R3HCC1L: variants seen among roughly 807,000 people sequenced by gnomAD.
R3HCC1L encodes the protein coiled-coil domain-containing protein R3HCC1L.
In R3HCC1L, 51 loss-of-function variants were observed where a neutral mutation model predicts 59.9. That is an observed-to-expected ratio of 0.85 (90% CI 0.68 to 1.07). The LOEUF is 1.07. Ranked by LOEUF, R3HCC1L falls within the 50% of genes least tolerant of loss-of-function variation. R3HCC1L has a pLI of 0.00. For synonymous variants in R3HCC1L, 322 were observed against 315.2 expected, an observed-to-expected ratio of 1.02 and a Z score of -0.23; for missense variants, 965 against 933.0, an observed-to-expected ratio of 1.03 and a Z score of -0.45.
At chr10:98,190,048 C>T (rs1850662943) in intron 4 of R3HCC1L, among the ~76,000 whole-genome samples, 1 of 152,176 alleles carries the variant, frequency 6.6e-6, no homozygotes, top group Admixed American at 6.5e-5. Context: ...TGTATATAAC[C>T]TATGTACATC....
chr10:98,169,413 A>G (rs933139860), intron 4 of R3HCC1L, among the ~76,000 whole-genome samples: 12 of 152,232 alleles, frequency 7.9e-5, no homozygotes, highest in African/African-American at 2.2e-4. Context: ...TCTTAGTACT[A>G]TAGTTGGAAC....
intron 1 of R3HCC1L, among the ~76,000 whole-genome samples, chr10:98,155,584 T>C (rs1165277882): frequency 1.3e-5 from 2 of 152,084 alleles, no homozygotes; most frequent in East Asian, 1.9e-4. Flanking sequence ...TCAATAGATG[T>C]AGAGTTTAAA....
At position 98,235,452 on chromosome 10, in the gene R3HCC1L, C is replaced by A; in HGVS notation, c.2060C>A (p.Thr687Asn). The A allele has an allele frequency of 6.2e-7, 1 of 1,613,662 alleles. No individual in the cohort carries two copies. Among genetic ancestry groups the A allele is most frequent in the East Asian group, 2.2e-5 (1 of 44,866 alleles). Residue 687 changes from threonine to asparagine, a missense_variant, in exon 8 of 10, where the codon ACC becomes AAC. Coordinates refer to ENST00000298999, the MANE Select transcript of R3HCC1L (RefSeq NM_001351015.2). ...CGTGATGCGTTGGGTATTAAACACA[C>A]CATGGTGAAGATTCGTCCCTTGTCA... ...TARDALGIKH[T>N]MVKIRPLSQA...
chr10:98,173,977 C>T (rs918857021), intron 4 of R3HCC1L, among the ~76,000 whole-genome samples: 4 of 152,086 alleles, frequency 2.6e-5, no homozygotes, highest in African/African-American at 9.7e-5. Context: ...GGAATATTGC[C>T]CACCTGCTAT....
In R3HCC1L at chr10:98,244,353, C is replaced by T. The variant is rs538555978; in HGVS notation, c.*195C>T. The T allele has an allele frequency of 9.4e-5, 49 of 523,096 alleles. No individual in the cohort carries two copies. In the East Asian group the frequency reaches 1.6e-3, roughly 17 times the overall value. 32.4% of individuals were successfully genotyped at this position (523,096 alleles called of 1,614,324 possible). On this transcript the variant is annotated 3_prime_UTR_variant, in exon 10 of 10. Coordinates refer to ENST00000298999, the MANE Select transcript of R3HCC1L (RefSeq NM_001351015.2). ...ACTCCTAAATGCAGTTCTTTGGAAT[C>T]ACCCTACTGTGGTGGGCGTAGTAGG...
chr10:98,212,039 G>A (rs182941163), intron 5 of R3HCC1L, among the ~76,000 whole-genome samples: 1 of 152,174 alleles, frequency 6.6e-6, no homozygotes, highest in East Asian at 1.9e-4. Flanking sequence ...CTTATGTTTG[G>A]AGGTACTTGG....
Position 98,236,144 on chromosome 10 carries a change from A to G in R3HCC1L, c.2249A>G (p.Lys750Arg). 6.2e-7 allele frequency: 1 copy of G among 1,613,888 alleles called. No individual in the cohort carries two copies. The highest frequency in any genetic ancestry group is 8.5e-7 in the Non-Finnish European group (1 of 1,179,850). ...QSKTEREAEL[K>R]KLQEARERKR... ...AAAACCGAACGAGAAGCAGAGCTCA[A>G]GAAACTGCAAGAAGCCAGAGGTGAG... Residue 750 changes from lysine to arginine, a missense_variant, in exon 9 of 10, where the codon AAG (lysine) becomes AGG (arginine). Transcript: ENST00000298999.
At chr10:98,219,347 T>C (rs2135430292) in intron 5 of R3HCC1L, among the ~76,000 whole-genome samples, 1 of 152,332 alleles carries the variant, frequency 6.6e-6, no homozygotes, top group South Asian at 2.1e-4. Flanking sequence ...ACAGGTGAAA[T>C]GTTTCTTGTA....
rs1250865633 is a variant in R3HCC1L, at chr10:98,228,345, A to C, written c.1786-3167A>C. Among the ~76,000 whole-genome samples the C allele has an allele frequency of 5.9e-5, 9 of 152,212 alleles. 1 individual carries two copies. The highest frequency in any genetic ancestry group is 2.4e-5 in the African/African-American group (1 of 41,520). On this transcript the variant is annotated intron_variant, in intron 5 of 9. Coordinates refer to ENST00000298999, the MANE Select transcript of R3HCC1L (RefSeq NM_001351015.2). Reference sequence around the variant, plus strand: ...TCTCTGATGACCAGTGATGATGAGCATTTTTTCATGTGTCTTTTGGCTGCA... The same window carrying C: ...TCTCTGATGACCAGTGATGATGAGCCTTTTTTCATGTGTCTTTTGGCTGCA...
intron 5 of R3HCC1L, chr10:98,231,026 C>A: frequency 2.4e-6 from 1 of 423,512 alleles, no homozygotes; most frequent in South Asian, 1.7e-5. Context: ...CCCTTTAATA[C>A]ATTCAACAAA....
chr10:98,137,762 A>G (rs1284730122), intron 1 of R3HCC1L, among the ~76,000 whole-genome samples: 3 of 152,222 alleles, frequency 2.0e-5, no homozygotes, highest in Non-Finnish European at 4.4e-5. Flanking sequence ...TGCTTCATTT[A>G]CAACCTGTAG....
intron 4 of R3HCC1L, among the ~76,000 whole-genome samples, chr10:98,167,885 A>C (rs1327418626): frequency 6.6e-6 from 1 of 152,224 alleles, no homozygotes; most frequent in Non-Finnish European, 1.5e-5. Flanking sequence ...TTCTACTTTC[A>C]AAATTTACCC....
At chr10:98,153,507 C>T (rs1334882795) in intron 1 of R3HCC1L, among the ~76,000 whole-genome samples, 2 of 151,778 alleles carry the variant, frequency 1.3e-5, no homozygotes, top group Non-Finnish European at 1.5e-5. Flanking sequence ...CTAAGAAAAC[C>T]AGAGACCTTT....
In R3HCC1L at chr10:98,141,543, A is replaced by G. The variant is rs80287982; in HGVS notation, c.-268+6837A>G. On this transcript the variant is annotated intron_variant, in intron 1 of 9. Coordinates refer to ENST00000298999, the MANE Select transcript of R3HCC1L (RefSeq NM_001351015.2). ...TGTAAAACAACCATTTTATTGTGCT[A>G]TGGATCTGTTGGAATTCAGACAGGA... 7.5e-3 allele frequency among the ~76,000 whole-genome samples: 1,149 copies of G among 152,296 alleles called. 10 individuals carry two copies. Among genetic ancestry groups the G allele is most frequent in the Non-Finnish European group, 0.013 (891 of 68,024 alleles).
At chr10:98,153,870 A>G (rs995044185) in intron 1 of R3HCC1L, among the ~76,000 whole-genome samples, 1 of 151,762 alleles carries the variant, frequency 6.6e-6, no homozygotes, top group African/African-American at 2.4e-5. Context: ...CCGTGGTGTC[A>G]CGTTTCCCCA....
At position 98,244,158 on chromosome 10, in the gene R3HCC1L, A is replaced by G. The variant is rs371067290; in HGVS notation, c.2337A>G (p.Ter779TrpextTer17). The change falls in exon 10 of 10, where the codon TGA (stop) becomes TGG (tryptophan). Residue 779 changes from the stop codon to tryptophan, a stop_lost. Coordinates refer to ENST00000298999, the MANE Select transcript of R3HCC1L (RefSeq NM_001351015.2). Reference protein sequence around the residue: ...IWEGRDQSTV* With the variant: ...IWEGRDQSTVW ...AAGGCAGAGACCAGTCTACAGTTTG[A>G]ACATCACTCAATGAAAGGGATAATT... 150 of 1,613,244 alleles carry G rather than the reference A, an allele frequency of 9.3e-5. No individual in the cohort carries two copies. Among genetic ancestry groups the G allele is most frequent in the Non-Finnish European group, 1.2e-4 (147 of 1,179,332 alleles).
At chr10:98,215,724 G>A (rs548597845) in intron 5 of R3HCC1L, among the ~76,000 whole-genome samples, 18 of 152,244 alleles carry the variant, frequency 1.2e-4, no homozygotes, top group African/African-American at 4.1e-4. Flanking sequence ...GCCAGTTTTG[G>A]TACTGGTGCT....
chr10:98,242,349 C>CA (rs1006150016), intron 9 of R3HCC1L, among the ~76,000 whole-genome samples: 83 of 149,040 alleles, frequency 5.6e-4, no homozygotes, highest in African/African-American at 2.0e-3. Context: ...ACTCCATCTC[C>CA]AAAAAAAAAG....
rs566321972 is a variant in R3HCC1L, at chr10:98,142,692, T to C, written c.-268+7986T>C. On this transcript the variant is annotated intron_variant, in intron 1 of 9. Transcript: ENST00000298999. ...GCTCATACCTGTAATCTCAACACTTTGGGAGGCTGAGGCGGGCAGATAACT... is the reference window on the plus strand; with the variant it reads ...GCTCATACCTGTAATCTCAACACTTCGGGAGGCTGAGGCGGGCAGATAACT... 2.0e-5 allele frequency among the ~76,000 whole-genome samples: 3 copies of C among 151,874 alleles called. No homozygotes were observed. In the South Asian group the frequency reaches 6.2e-4, roughly 32 times the overall value.
Sources: gnomAD v4.1 joint callset for allele counts (sites outside exome capture counted in the v4.1 genomes callset) on GRCh38, gnomAD v4.1.1 for gene constraint, MANE v1.5 for transcripts, NCBI Gene and HGNC (gene_info 2026-07-23, HGNC 2026-07-21) for gene names.